The following TBC1D4 variants were observed in gnomAD, a reference collection of about 807,000 sequenced individuals.
The protein encoded by TBC1D4 is TBC1 domain family member 4.
Under a neutral mutation model 142.5 loss-of-function variants are expected in TBC1D4, and 121 were observed. The ratio of observed to expected loss-of-function variants is 0.85; its 90% CI spans 0.73 to 0.99. The LOEUF is 0.99. Among genes scored for constraint, TBC1D4 ranks in the 50% least tolerant of loss-of-function variants. The pLI is 0.00. For synonymous variants in TBC1D4, 630 were observed against 628.2 expected, an observed-to-expected ratio of 1.00 and a Z score of -0.04; for missense variants, 1,475 against 1,606.6, an observed-to-expected ratio of 0.92 and a Z score of 1.40.
At chr13:75,392,251 A>G (rs1444951303) in intron 1 of TBC1D4, among the ~76,000 whole-genome samples, 2 of 152,216 alleles carry the variant, frequency 1.3e-5, no homozygotes, top group African/African-American at 2.4e-5. Flanking sequence ...AAATGCAAAA[A>G]TCACCCTATT....
chr13:75,459,856 A>G lies in TBC1D4; in HGVS notation c.498+21414T>C, dbSNP rs576557742. Among the ~76,000 whole-genome samples, 4 of 152,320 alleles carry G rather than the reference A, an allele frequency of 2.6e-5. No individual in the cohort carries two copies. In the East Asian group the frequency reaches 7.7e-4, roughly 29 times the overall value. Reference sequence around the variant, plus strand: ...TTTCAACAAAGCATATAAATAATACATATTGGCAAGGCGCGGTGGCTCACG... The same window carrying G: ...TTTCAACAAAGCATATAAATAATACGTATTGGCAAGGCGCGGTGGCTCACG... On this transcript the variant is annotated intron_variant, in intron 1 of 20. Coordinates refer to ENST00000377636, the MANE Select transcript of TBC1D4 (RefSeq NM_014832.5).
intron 18 of TBC1D4, among the ~76,000 whole-genome samples, chr13:75,293,668 A>G (rs1593866003): frequency 6.6e-6 from 1 of 152,248 alleles, no homozygotes; most frequent in African/African-American, 2.4e-5. Flanking sequence ...CATTTGATTC[A>G]GCGCATTTTC....
intron 3 of TBC1D4, among the ~76,000 whole-genome samples, chr13:75,358,566 TG>T (rs1442892434): frequency 1.3e-5 from 2 of 152,094 alleles, no homozygotes; most frequent in African/African-American, 4.8e-5. Context: ...GTACAAAAAC[TG>T]GCCAGCATGG....
chr13:75,469,546 G>C (rs1237373249), intron 1 of TBC1D4, among the ~76,000 whole-genome samples: 1 of 152,146 alleles, frequency 6.6e-6, no homozygotes, highest in Non-Finnish European at 1.5e-5. Context: ...TGAAGCAAGA[G>C]GACTGCTTGA....
At chr13:75,382,804 A>G (rs1005218466) in intron 1 of TBC1D4, among the ~76,000 whole-genome samples, 3 of 152,220 alleles carry the variant, frequency 2.0e-5, no homozygotes, top group Non-Finnish European at 4.4e-5. Flanking sequence ...TATCTCAATA[A>G]TTTTATATTG....
chr13:75,435,327 C>CAAA (rs34114903), intron 1 of TBC1D4, among the ~76,000 whole-genome samples: 5,431 of 122,056 alleles, frequency 0.044, 132 homozygotes, highest in Non-Finnish European at 0.055. Flanking sequence ...GATTCTGTCT[C>CAAA]AAAAAAAAAA....
chr13:75,393,089 C>CA (rs905021841), intron 1 of TBC1D4, among the ~76,000 whole-genome samples: 1 of 149,188 alleles, frequency 6.7e-6, no homozygotes. Flanking sequence ...TTTGTAATGT[C>CA]AAAAAATACA....
intron 1 of TBC1D4, among the ~76,000 whole-genome samples, chr13:75,470,985 CA>C (rs531398241): frequency 0.15 from 17,226 of 118,498 alleles, 1,408 homozygotes; most frequent in African/African-American, 0.28. Flanking sequence ...GCCCCTGTAT[CA>C]AAAAAAAAAA....
At chr13:75,335,028 G>A (rs1304025975) in intron 8 of TBC1D4, among the ~76,000 whole-genome samples, 1 of 116,400 alleles carries the variant, frequency 8.6e-6, no homozygotes, top group Non-Finnish European at 1.9e-5. Context: ...CCCAGGCTGT[G>A]CCACTCCCTG....
intron 1 of TBC1D4, among the ~76,000 whole-genome samples, chr13:75,470,245 C>A (rs67896106): frequency 0.11 from 16,729 of 152,168 alleles, 987 homozygotes; most frequent in Middle Eastern, 0.15. Flanking sequence ...CTCAGCACTG[C>A]CACTGTAGCA....
intron 1 of TBC1D4, among the ~76,000 whole-genome samples, chr13:75,444,152 T>C (rs1887171530): frequency 6.6e-6 from 1 of 152,212 alleles, no homozygotes. Context: ...AGATAAAGTC[T>C]TGTTCTGTTG....
intron 1 of TBC1D4, among the ~76,000 whole-genome samples, chr13:75,467,794 C>T (rs1271122324): frequency 6.6e-6 from 1 of 152,128 alleles, no homozygotes; most frequent in Non-Finnish European, 1.5e-5. Flanking sequence ...AAAGTATAAT[C>T]GACCTACCAA....
chr13:75,357,525 T>C (rs972242828), intron 3 of TBC1D4, among the ~76,000 whole-genome samples: 3 of 152,154 alleles, frequency 2.0e-5, no homozygotes, highest in Non-Finnish European at 4.4e-5. Flanking sequence ...GTACAACTTG[T>C]TAGTGACTTA....
intron 1 of TBC1D4, among the ~76,000 whole-genome samples, chr13:75,475,483 A>G (rs1888597189): frequency 6.6e-6 from 1 of 152,226 alleles, no homozygotes. Context: ...AGTAAATAAA[A>G]TTGTTTGCAG....
chr13:75,336,739 TCAAAAAAA>T (rs902907861), intron 8 of TBC1D4, among the ~76,000 whole-genome samples, 174 bp downstream of exon 8: 19 of 151,358 alleles, frequency 1.3e-4, no homozygotes, highest in African/African-American at 4.1e-4. Context: ...GAAATCCATC[TCAAAAAAA>T]CAAAAAAACA....
At chr13:75,464,638 C>T (rs1363843346) in intron 1 of TBC1D4, among the ~76,000 whole-genome samples, 1 of 152,218 alleles carries the variant, frequency 6.6e-6, no homozygotes, top group Non-Finnish European at 1.5e-5. Flanking sequence ...TCCTCTAGCA[C>T]CACTGGGTTA....
intron 1 of TBC1D4, among the ~76,000 whole-genome samples, chr13:75,432,820 G>A (rs1267753739): frequency 2.0e-5 from 3 of 151,818 alleles, no homozygotes; most frequent in South Asian, 2.1e-4. Context: ...AGCAAGAAGT[G>A]GCATTGGCAT....
At position 75,286,828 on chromosome 13, in the gene TBC1D4, G is replaced by A; in HGVS notation, c.3861C>T (p.Asn1287=). 3 of 1,613,892 alleles carry A rather than the reference G, an allele frequency of 1.9e-6. No individual in the cohort carries two copies. The highest frequency in any genetic ancestry group is 2.5e-6 in the Non-Finnish European group (3 of 1,179,936). Residue 1287 remains asparagine (N), a synonymous_variant, in exon 21 of 21, where the codon AAC becomes AAT. Transcript: ENST00000377636. The part of the protein sequence containing the change: ...CDLLLRDLNC[N]PNNKAKIGNK... ...TTCCTATCTTGGCTTTGTTGTTAGG[G>A]TTGCAGTTTAGGTCTCTCAGCAACA...
intron 1 of TBC1D4, among the ~76,000 whole-genome samples, chr13:75,408,007 C>T (rs142737222): frequency 2.1e-3 from 314 of 152,214 alleles, no homozygotes; most frequent in African/African-American, 7.4e-3. Flanking sequence ...CTTTTCAAAG[C>T]ATACGGTCAC....
Sources: gnomAD v4.1 joint callset for allele counts (sites outside exome capture counted in the v4.1 genomes callset) on GRCh38, gnomAD v4.1.1 for gene constraint, MANE v1.5 for transcripts, NCBI Gene and HGNC (gene_info 2026-07-23, HGNC 2026-07-21) for gene names.